TEC: variants seen among roughly 807,000 people sequenced by gnomAD.
TEC encodes the protein tec protein tyrosine kinase, also known as tyrosine-protein kinase Tec.
In TEC, 72 loss-of-function variants were observed where a neutral mutation model predicts 93.0. The ratio of observed to expected loss-of-function variants is 0.77; its 90% CI spans 0.64 to 0.94. The LOEUF is 0.94. Ranked by LOEUF, TEC falls within the 40% of genes least tolerant of loss-of-function variation. TEC has a pLI of 0.00. For missense variants in TEC, 630 were observed against 757.9 expected, an observed-to-expected ratio of 0.83 and a Z score of 1.98; for synonymous variants, 249 against 247.7, an observed-to-expected ratio of 1.01 and a Z score of -0.05.
chr4:48,171,888 G>A (rs955279202), intron 3 of TEC, among the ~76,000 whole-genome samples: 5 of 152,228 alleles, frequency 3.3e-5, no homozygotes, highest in Non-Finnish European at 7.3e-5. Context: ...TGTGCTGTGT[G>A]CTTTACAGAC....
At chr4:48,267,009 G>T (rs549903859) in intron 1 of TEC, among the ~76,000 whole-genome samples, 2 of 152,340 alleles carry the variant, frequency 1.3e-5, no homozygotes, top group South Asian at 2.1e-4. Flanking sequence ...TCCACAGTGG[G>T]AAGTCAACAG....
chr4:48,245,397 C>T (rs192446330), intron 1 of TEC, among the ~76,000 whole-genome samples: 5 of 152,220 alleles, frequency 3.3e-5, no homozygotes, highest in African/African-American at 7.2e-5. Flanking sequence ...TTCACGTACA[C>T]GTGTATACAC....
chr4:48,140,270 T>C (rs1719604481), intron 15 of TEC, among the ~76,000 whole-genome samples: 1 of 152,222 alleles, frequency 6.6e-6, no homozygotes, highest in South Asian at 2.1e-4. Context: ...ACCCTGGCGC[T>C]TTTTCCGTTC....
chr4:48,263,868 G>A (rs1297496617), intron 1 of TEC, among the ~76,000 whole-genome samples: 1 of 152,058 alleles, frequency 6.6e-6, no homozygotes, highest in Non-Finnish European at 1.5e-5. Context: ...GTCCAAACTC[G>A]GCTCAGCGGC....
rs530945644 is a variant in TEC, at chr4:48,239,893, T to C, written c.-45-11234A>G. On this transcript the variant is annotated intron_variant, in intron 1 of 17. Transcript: ENST00000381501. ...TTGAATACTAACTCAATATTGTTGA[T>C]ATTAAGGTTCATCGGTAATATTTGT... Among the ~76,000 whole-genome samples, 53 of 152,218 alleles carry C rather than the reference T, an allele frequency of 3.5e-4. No individual in the cohort carries two copies. In the South Asian group the frequency reaches 0.011, roughly 31 times the overall value.
intron 3 of TEC, among the ~76,000 whole-genome samples, chr4:48,174,783 G>A (rs557379042): frequency 2.0e-5 from 3 of 152,106 alleles, no homozygotes; most frequent in Non-Finnish European, 4.4e-5. Flanking sequence ...GGTGGTAGGT[G>A]TAATATTAGG....
chr4:48,242,325 A>C (rs1723941899), intron 1 of TEC, among the ~76,000 whole-genome samples: 1 of 152,232 alleles, frequency 6.6e-6, no homozygotes, highest in Non-Finnish European at 1.5e-5. Context: ...AATAAAATAT[A>C]ATATTTGGCC....
chr4:48,162,831 G>A (rs16861079), intron 8 of TEC, among the ~76,000 whole-genome samples: 3,445 of 152,184 alleles, frequency 0.023, 143 homozygotes, highest in African/African-American at 0.08. Flanking sequence ...ATAAAAGAGC[G>A]TTCAATGTAT....
Position 48,258,149 on chromosome 4 carries a change from T to TTTG in TEC, c.-46+11602_-46+11603insCAA, listed in dbSNP as rs773235264. Among the ~76,000 whole-genome samples the TTTG allele has an allele frequency of 3.9e-3, 589 of 151,122 alleles. 8 individuals are homozygous for TTTG. The highest frequency in any genetic ancestry group is 0.013 in the African/African-American group (547 of 41,268). ...TCTGAATGCATTGTTTTTTTGGTTTTTTTTTTTTTTGAGAAGGAATCTCAC... is the reference window on the plus strand; with the variant it reads ...TCTGAATGCATTGTTTTTTTGGTTTTTTGTTTTTTTTTTGAGAAGGAATCTCAC... On this transcript the variant is annotated intron_variant, in intron 1 of 17. Transcript: ENST00000381501.
intron 1 of TEC, among the ~76,000 whole-genome samples, chr4:48,254,433 G>A (rs961420734): frequency 6.6e-6 from 1 of 152,234 alleles, no homozygotes; most frequent in African/African-American, 2.4e-5. Flanking sequence ...AGGAGGCTCT[G>A]GTGTGGGAGA....
At chr4:48,251,846 T>C (rs1312924818) in intron 1 of TEC, among the ~76,000 whole-genome samples, 1 of 152,162 alleles carries the variant, frequency 6.6e-6, no homozygotes, top group African/African-American at 2.4e-5. Flanking sequence ...AGAAAGCTCA[T>C]AATAAGACTA....
In TEC at chr4:48,141,414, G is replaced by T. The variant is rs762159203; in HGVS notation, c.1476C>A (p.Ala492=). 3 of 1,613,524 alleles carry T rather than the reference G, an allele frequency of 1.9e-6. No individual in the cohort carries two copies. The South Asian group carries it at 3.3e-5, about 18-fold the overall frequency. The change falls in exon 15 of 18, where the codon GCC becomes GCA. Residue 492 remains alanine (A), a synonymous_variant. Coordinates refer to ENST00000381501, the MANE Select transcript of TEC (RefSeq NM_003215.3). ...RNSFIHRDLA[A]RNCLVSEAGV... Reference sequence around the variant, plus strand: ...CCGCCTCACTTACTAGACAATTTCTGGCAGCCTGGAAAACAACATTATGAT... The same window carrying T: ...CCGCCTCACTTACTAGACAATTTCTTGCAGCCTGGAAAACAACATTATGAT...
chr4:48,232,243 C>G (rs1723666781), intron 1 of TEC, among the ~76,000 whole-genome samples: 1 of 151,606 alleles, frequency 6.6e-6, no homozygotes, highest in Non-Finnish European at 1.5e-5. Context: ...GAGCAAAGAT[C>G]ACGCCATTGT....
At chr4:48,260,377 A>G (rs575946753) in intron 1 of TEC, among the ~76,000 whole-genome samples, 5 of 152,328 alleles carry the variant, frequency 3.3e-5, no homozygotes, top group African/African-American at 1.2e-4. Flanking sequence ...TGAGGCCAGG[A>G]GTTCAAGACC....
intron 2 of TEC, among the ~76,000 whole-genome samples, chr4:48,194,359 T>G (rs1722212262): frequency 6.6e-6 from 1 of 152,254 alleles, no homozygotes; most frequent in Non-Finnish European, 1.5e-5. Flanking sequence ...TGAGCTTTGC[T>G]AGGGAACTGC....
intron 1 of TEC, among the ~76,000 whole-genome samples, chr4:48,257,817 T>C (rs1007746688): frequency 2.6e-5 from 4 of 152,078 alleles, no homozygotes; most frequent in Non-Finnish European, 2.9e-5. Flanking sequence ...CTTTCTAGAC[T>C]GAAAATTTGG....
intron 9 of TEC, among the ~76,000 whole-genome samples, 159 bp downstream of exon 9, chr4:48,156,521 T>C (rs945982971): frequency 2.0e-5 from 3 of 152,206 alleles, no homozygotes; most frequent in Non-Finnish European, 4.4e-5. Flanking sequence ...TGTCAGCCTC[T>C]TTCTTCAGCC....
At chr4:48,267,596 A>G (rs1724673985) in intron 1 of TEC, among the ~76,000 whole-genome samples, 1 of 152,226 alleles carries the variant, frequency 6.6e-6, no homozygotes, top group African/African-American at 2.4e-5. Context: ...AATTAGTCCA[A>G]CCAAGGCAGC....
At chr4:48,163,656 G>T in intron 8 of TEC, 46 bp downstream of exon 8, 1 of 1,218,458 alleles carries the variant, frequency 8.2e-7, no homozygotes, top group South Asian at 1.5e-5. Flanking sequence ...TTAGGAAAAT[G>T]AAAAGTTTCT....
Sources: gnomAD v4.1 joint callset for allele counts (sites outside exome capture counted in the v4.1 genomes callset) on GRCh38, gnomAD v4.1.1 for gene constraint, MANE v1.5 for transcripts, NCBI Gene and HGNC (gene_info 2026-07-23, HGNC 2026-07-21) for gene names.